SEC24A: variants seen among roughly 807,000 people sequenced by gnomAD.
SEC24A encodes the protein SEC24 homolog A, COPII component.
A neutral mutation model predicts 129.4 loss-of-function variants in SEC24A; 93 were observed. The ratio of observed to expected loss-of-function variants is 0.72; its 90% CI spans 0.61 to 0.85. The LOEUF is 0.85. SEC24A is among the 40% of genes least tolerant of loss of function. The pLI, the probability that SEC24A is intolerant of heterozygous loss-of-function variation, is 0.00. For synonymous variants in SEC24A, 460 were observed against 467.3 expected (o/e 0.98, Z 0.20); for missense variants, 1,264 against 1,307.4 (o/e 0.97, Z 0.51).
chr5:134,683,455 G>A (rs746601644), intron 9 of SEC24A, among the ~76,000 whole-genome samples: 9 of 151,850 alleles, frequency 5.9e-5, no homozygotes, highest in African/African-American at 2.2e-4. Context: ...TTCTACACCC[G>A]TGAGAATATC....
intron 1 of SEC24A, among the ~76,000 whole-genome samples, chr5:134,659,086 T>TATTTATTG (rs1462758721): frequency 6.6e-6 from 1 of 151,054 alleles, no homozygotes; most frequent in Non-Finnish European, 1.5e-5. Context: ...TTTATTTATT[T>TATTTATTG]ATTGAGATGG....
intron 17 of SEC24A, among the ~76,000 whole-genome samples, chr5:134,708,423 A>G (rs186093197): frequency 6.6e-6 from 1 of 152,208 alleles, no homozygotes; most frequent in African/African-American, 2.4e-5. Context: ...TTCTTTCTCA[A>G]TGGTATATAA....
chr5:134,716,782 T>C (rs1408159904), intron 19 of SEC24A, among the ~76,000 whole-genome samples: 6 of 110,272 alleles, frequency 5.4e-5, no homozygotes, highest in Non-Finnish European at 1.1e-4. Context: ...TGAGTGACAA[T>C]AGAGCAAGAT....
Position 134,698,040 on chromosome 5 carries a change from G to A in SEC24A, c.2249G>A (p.Arg750Lys), listed in dbSNP as rs1438365649. 3 of 1,608,504 alleles carry A rather than the reference G, an allele frequency of 1.9e-6. No individual in the cohort carries two copies. Among genetic ancestry groups the A allele is most frequent in the Non-Finnish European group, 1.7e-6 (2 of 1,178,654 alleles). ...TRKIGFEAVM[R>K]IRCTKGLSIH... Reference sequence around the variant, plus strand: ...AAGATTGGCTTTGAGGCAGTCATGAGGATTCGGTGCACCAAAGGTAGGAAT... The same window carrying A: ...AAGATTGGCTTTGAGGCAGTCATGAAGATTCGGTGCACCAAAGGTAGGAAT... Residue 750 changes from arginine to lysine, a missense_variant, in exon 15 of 23, where the codon AGG (arginine) becomes AAG (lysine). Physicochemically the swap from Arg to Lys is conservative, Grantham distance 26 (BLOSUM62 2). Transcript: ENST00000398844.
At chr5:134,719,896 A>T (rs1752582434) in intron 20 of SEC24A, among the ~76,000 whole-genome samples, 1 of 151,800 alleles carries the variant, frequency 6.6e-6, no homozygotes, top group South Asian at 2.1e-4. Flanking sequence ...GAGGCAGGAG[A>T]ATCACTTGAA....
intron 13 of SEC24A, among the ~76,000 whole-genome samples, chr5:134,695,354 C>G (rs892836110): frequency 6.6e-6 from 1 of 151,710 alleles, no homozygotes. Context: ...ACAACAACAA[C>G]AACAACAAAA....
intron 17 of SEC24A, among the ~76,000 whole-genome samples, chr5:134,706,169 G>A (rs1230478015): frequency 6.6e-6 from 1 of 152,134 alleles, no homozygotes; most frequent in Non-Finnish European, 1.5e-5. Context: ...TTACAGGCGT[G>A]AGCCACCGTG....
intron 12 of SEC24A, 106 bp downstream of exon 12, chr5:134,692,763 G>T (rs1440390072): frequency 3.8e-6 from 3 of 794,896 alleles, no homozygotes; most frequent in East Asian, 2.5e-5. Context: ...ACATTTCTAA[G>T]ATGTGTAGCA....
At position 134,693,855 on chromosome 5, in the gene SEC24A, C is replaced by A; in HGVS notation, c.1908C>A (p.Val636=). 1 of 1,614,122 alleles carries A rather than the reference C, an allele frequency of 6.2e-7. No individual in the cohort carries two copies. Among genetic ancestry groups the A allele is most frequent in the Non-Finnish European group, 8.5e-7 (1 of 1,180,026 alleles). ...LMSPTGGRMS[V]FQTQLPTLGV... ...CTCCAACTGGTGGTCGAATGTCTGT[C>A]TTTCAAACACAACTCCCAACTCTTG... The change falls in exon 13 of 23, where the codon GTC becomes GTA. Residue 636 remains valine, a synonymous_variant. Transcript: ENST00000398844.
chr5:134,693,497 T>C (rs1157583859), intron 12 of SEC24A: 1 of 1,411,610 alleles, frequency 7.1e-7, no homozygotes, highest in East Asian at 2.6e-5. Flanking sequence ...CTTGCTGGAC[T>C]ACTGCATGTG....
At chr5:134,718,896 G>A (rs1047132409) in intron 20 of SEC24A, among the ~76,000 whole-genome samples, 1 of 151,650 alleles carries the variant, frequency 6.6e-6, no homozygotes, top group African/African-American at 2.4e-5. Context: ...CTTGAACCCA[G>A]GAGGCAGAGG....
Position 134,727,262 on chromosome 5 carries a change from A to AATTC in SEC24A, c.*2171_*2172insCATT, listed in dbSNP as rs1221232622. 3 of 152,514 alleles carry AATTC rather than the reference A, an allele frequency of 2.0e-5. No homozygotes were observed. Among genetic ancestry groups the AATTC allele is most frequent in the Admixed American group, 1.3e-4 (2 of 15,254 alleles). The allele number at this position is 152,514 out of a possible 1,614,324, so 9.4% of individuals were successfully genotyped here. On this transcript the variant is annotated 3_prime_UTR_variant, in exon 23 of 23. Coordinates refer to ENST00000398844, the MANE Select transcript of SEC24A (RefSeq NM_021982.3). ...CATATTTTTTTTAATTATAGTTGTA[A>AATTC]ATTATGAAAGATCCTTGAATTTTCT...
At chr5:134,653,682 T>C (rs1750142259) in intron 1 of SEC24A, among the ~76,000 whole-genome samples, 1 of 150,794 alleles carries the variant, frequency 6.6e-6, no homozygotes, top group South Asian at 2.1e-4. Flanking sequence ...CTCGGCAACA[T>C]AGTGAGAACC....
chr5:134,671,083 C>T (rs369676956), intron 3 of SEC24A, among the ~76,000 whole-genome samples: 9 of 151,974 alleles, frequency 5.9e-5, no homozygotes, highest in African/African-American at 2.2e-4. Context: ...TTCGCTCTGT[C>T]GCCCAGGCTG....
At chr5:134,718,776 C>T (rs897327489) in intron 20 of SEC24A, among the ~76,000 whole-genome samples, 3 of 151,656 alleles carry the variant, frequency 2.0e-5, no homozygotes, top group East Asian at 1.9e-4. Context: ...GTTCAAGACC[C>T]GCCTGACCAA....
chr5:134,693,989 C>T, intron 13 of SEC24A, 56 bp downstream of exon 13: 2 of 1,416,090 alleles, frequency 1.4e-6, no homozygotes, highest in Non-Finnish European at 2.0e-6. Flanking sequence ...ATCCCTGTGA[C>T]CATAGAACTT....
chr5:134,688,076 C>G, intron 10 of SEC24A, 105 bp from the exon 11 acceptor site: 1 of 758,624 alleles, frequency 1.3e-6, no homozygotes, highest in East Asian at 2.5e-5. Context: ...GGGCCAATTT[C>G]TATAATATTG....
At chr5:134,655,117 G>A (rs924988471) in intron 1 of SEC24A, among the ~76,000 whole-genome samples, 2 of 152,098 alleles carry the variant, frequency 1.3e-5, no homozygotes, top group Admixed American at 6.6e-5. Context: ...GATTACAGGT[G>A]TGAGCCACCG....
intron 18 of SEC24A, among the ~76,000 whole-genome samples, chr5:134,714,489 T>C (rs1392058743): frequency 3.9e-5 from 6 of 152,202 alleles, no homozygotes; most frequent in Non-Finnish European, 1.5e-5. Flanking sequence ...TGCATACTCT[T>C]TATGAGAATC....
Sources: gnomAD v4.1 joint callset for allele counts (sites outside exome capture counted in the v4.1 genomes callset) on GRCh38, gnomAD v4.1.1 for gene constraint, MANE v1.5 for transcripts, NCBI Gene and HGNC (gene_info 2026-07-23, HGNC 2026-07-21) for gene names.